The following RMST variants were observed in gnomAD, a reference collection of about 807,000 sequenced individuals.
The protein encoded by RMST is long intergenic non-protein coding RNA 54.
At chr12:97,508,827 G>A (rs1048203944) in intron 10 of RMST, among the ~76,000 whole-genome samples, 10 of 152,196 alleles carry the variant, frequency 6.6e-5, no homozygotes, top group East Asian at 1.9e-4. Flanking sequence ...AAGTAGTAAC[G>A]TAGTGGGGTA....
chr12:97,532,018 C>G (rs1354854972), intron 11 of RMST, among the ~76,000 whole-genome samples: 1 of 151,796 alleles, frequency 6.6e-6, no homozygotes, highest in Non-Finnish European at 1.5e-5. Flanking sequence ...CATTTTATGG[C>G]ATTATGAATT....
intron 10 of RMST, among the ~76,000 whole-genome samples, chr12:97,514,792 GA>G (rs1011492209): frequency 5.3e-5 from 8 of 151,882 alleles, no homozygotes; most frequent in South Asian, 2.1e-4. Flanking sequence ...TTATAAAAGG[GA>G]AAAAAATCAT....
chr12:97,558,081 T>A (rs1883835977), intron 11 of RMST, among the ~76,000 whole-genome samples: 2 of 152,134 alleles, frequency 1.3e-5, no homozygotes, highest in African/African-American at 2.4e-5. Context: ...CTTTCTACCC[T>A]CTTCCTTCAT....
intron 11 of RMST, among the ~76,000 whole-genome samples, chr12:97,558,708 A>T (rs1427634460): frequency 6.6e-6 from 1 of 152,120 alleles, no homozygotes; most frequent in Non-Finnish European, 1.5e-5. Flanking sequence ...CCTGGGATTC[A>T]ATTTCACTCT....
At chr12:97,540,675 A>AAT (rs2136619730) in intron 11 of RMST, among the ~76,000 whole-genome samples, 1 of 151,842 alleles carries the variant, frequency 6.6e-6, no homozygotes, top group African/African-American at 2.4e-5. Flanking sequence ...AAAAGAAAAT[A>AAT]ATACCTATTT....
intron 10 of RMST, among the ~76,000 whole-genome samples, chr12:97,511,162 T>C (rs2136512843): frequency 6.6e-6 from 1 of 152,010 alleles, no homozygotes; most frequent in African/African-American, 2.4e-5. Context: ...TTTTTTTTTT[T>C]TTTTGAGATG....
chr12:97,560,543 A>G (rs1884046506), exon 12 of RMST: 1 of 152,244 alleles, frequency 6.6e-6, no homozygotes, highest in Non-Finnish European at 1.5e-5. Context: ...CCAGGAGGCT[A>G]ATAATGAAGG....
At chr12:97,463,029 C>CTCTCTCTCTCTT (rs1183711277) in intron 3 of RMST, 1 of 97,832 alleles carries the variant, frequency 1.0e-5, no homozygotes, top group East Asian at 2.8e-4. Context: ...CTCTCTCTCT[C>CTCTCTCTCTCTT]TCTCTCTCTC....
intron 5 of RMST, among the ~76,000 whole-genome samples, chr12:97,489,196 G>A (rs770984976): frequency 5.3e-5 from 8 of 152,138 alleles, no homozygotes; most frequent in South Asian, 4.2e-4. Context: ...CTGTAATCCC[G>A]GCACTTTGGG....
At position 97,482,685 on chromosome 12, in the gene RMST, T is replaced by TTATTATTTATTTAATAAATAAATTTA. The variant is rs1180323785; in HGVS notation, n.645-9762_645-9737dup. On this transcript the variant is annotated intron_variant and non_coding_transcript_variant, in intron 5 of 13. Transcript: ENST00000640149. ...TTTATTTATTTAATATTTAATTTAT[T>TTATTATTTATTTAATAAATAAATTTA]TATTATTTATTTAATAAATAAATTT... Among the ~76,000 whole-genome samples, 4 of 100,688 alleles carry TTATTATTTATTTAATAAATAAATTTA rather than the reference T, an allele frequency of 4.0e-5. 1 individual carries two copies. The highest frequency in any genetic ancestry group is 4.8e-4 in the East Asian group (2 of 4,180). 66.1% of individuals were successfully genotyped at this position (100,688 alleles called of 152,430 possible). A position where few individuals can be genotyped will look rare whatever the true frequency, so the allele number is the denominator to read the frequency against.
intron 10 of RMST, among the ~76,000 whole-genome samples, chr12:97,526,337 G>C (rs1462725192): frequency 6.6e-6 from 1 of 151,872 alleles, no homozygotes; most frequent in South Asian, 2.1e-4. Flanking sequence ...TTTCATATCG[G>C]TACTCCTACT....
chr12:97,525,681 A>T (rs1442709974), intron 10 of RMST, among the ~76,000 whole-genome samples: 1 of 152,172 alleles, frequency 6.6e-6, no homozygotes, highest in East Asian at 1.9e-4. Flanking sequence ...AAATATCTTC[A>T]TAAATAAACA....
At chr12:97,542,112 G>C (rs891384473) in intron 11 of RMST, among the ~76,000 whole-genome samples, 1 of 151,864 alleles carries the variant, frequency 6.6e-6, no homozygotes, top group South Asian at 2.1e-4. Flanking sequence ...AGTGGGCTTG[G>C]AAGTCAGGTA....
At position 97,491,916 on chromosome 12, in the gene RMST, C is replaced by G. The variant is rs750916143; in HGVS notation, n.645-545C>G. ...CGTCCATGGGTCAGCTATGTGGACT[C>G]TAGCTGCCAAAGGCGCTTCTCCTTC... On this transcript the variant is annotated intron_variant and non_coding_transcript_variant, in intron 5 of 13. Transcript: ENST00000640149. 31 of 533,030 alleles carry G rather than the reference C, an allele frequency of 5.8e-5. 1 individual carries two copies. Among genetic ancestry groups the G allele is most frequent in the Middle Eastern group, 6.3e-4 (2 of 3,166 alleles). The allele number at this position is 533,030 out of a possible 1,614,324, so 33.0% of individuals were successfully genotyped here.
In RMST at chr12:97,535,759, G is replaced by A. The variant is rs1882022127; in HGVS notation, n.1545+4900G>A. On this transcript the variant is annotated intron_variant and non_coding_transcript_variant, in intron 11 of 13. Coordinates refer to ENST00000640149, the Ensembl canonical transcript of RMST. ...GAAAAAGGAATTTACTAAAACTCAGGAACTACGATGAGGTAATTAATTCTG... is the reference window on the plus strand; with the variant it reads ...GAAAAAGGAATTTACTAAAACTCAGAAACTACGATGAGGTAATTAATTCTG... Among the ~76,000 whole-genome samples, 3 of 151,514 alleles carry A rather than the reference G, an allele frequency of 2.0e-5. No individual in the cohort carries two copies. In the South Asian group the frequency reaches 6.2e-4, roughly 31 times the overall value.
chr12:97,533,506 T>C (rs1051880729), intron 11 of RMST: 1 of 151,894 alleles, frequency 6.6e-6, no homozygotes, highest in Non-Finnish European at 1.5e-5. Flanking sequence ...AAAAATGCTG[T>C]AGGAGAAGCT....
chr12:97,464,876 C>G (rs1872990073), intron 4 of RMST: 1 of 152,198 alleles, frequency 6.6e-6, no homozygotes, highest in Non-Finnish European at 1.5e-5. Context: ...GTAAACACTG[C>G]TGTCCCACTA....
intron 9 of RMST, among the ~76,000 whole-genome samples, chr12:97,495,058 G>A (rs1877239955): frequency 6.6e-6 from 1 of 151,994 alleles, no homozygotes; most frequent in African/African-American, 2.4e-5. Context: ...TTTTGTTTAT[G>A]TGTAAGTCAC....
At chr12:97,551,975 C>CT in intron 11 of RMST, 1 of 151,962 alleles carries the variant, frequency 6.6e-6, no homozygotes, top group Non-Finnish European at 1.5e-5. Flanking sequence ...GTTGGATGAA[C>CT]GATTAAAATG....
Sources: allele counts gnomAD v4.1 joint callset (sites outside exome capture counted in the v4.1 genomes callset), GRCh38; gene constraint gnomAD v4.1.1; transcripts MANE v1.5; gene names NCBI Gene and HGNC (gene_info 2026-07-23, HGNC 2026-07-21).